SLC18A1: variants seen among roughly 807,000 people sequenced by gnomAD.
The protein encoded by SLC18A1 is chromaffin granule amine transporter.
In SLC18A1, 69 loss-of-function variants were observed where a neutral mutation model predicts 53.7. That is an observed-to-expected ratio of 1.28 (90% CI 1.06 to 1.57). The LOEUF is 1.57. Among genes scored for constraint, SLC18A1 ranks in the 40% most tolerant of loss-of-function variants. SLC18A1 has a pLI of 0.00. For missense variants in SLC18A1, 932 were observed against 668.1 expected (o/e 1.40, Z -4.35); for synonymous variants, 320 against 248.1 (o/e 1.29, Z -2.72).
rs1342696949 is a variant in SLC18A1 at position 20,147,861 on chromosome 8, G to C, written c.1211-139C>G. The C allele has an allele frequency of 1.2e-5, 17 of 1,449,596 alleles. 1 individual carries two copies. In the East Asian group the frequency reaches 4.2e-4, roughly 36 times the overall value. The allele number at this position is 1,449,596 out of a possible 1,614,324, so 89.8% of individuals were successfully genotyped here. ...CACCTGTTCCAGGTGGGAATTACGA[G>C]CTCATCTCTCCACAACCCTGCCAGC... On this transcript the variant is annotated intron_variant, in intron 13 of 15. Transcript: ENST00000276373.
intron 3 of SLC18A1, among the ~76,000 whole-genome samples, chr8:20,178,894 T>G (rs1585228290): frequency 6.6e-6 from 1 of 152,226 alleles, no homozygotes; most frequent in East Asian, 1.9e-4. Flanking sequence ...CTGTTCATGG[T>G]TCTCTTCTTG....
intron 10 of SLC18A1, among the ~76,000 whole-genome samples, chr8:20,152,484 G>C (rs1050835025): frequency 8.5e-5 from 13 of 152,152 alleles, no homozygotes; most frequent in African/African-American, 3.1e-4. Context: ...GACATTTTCT[G>C]TTTGATTGGG....
At chr8:20,164,240 C>T (rs1193111293) in intron 10 of SLC18A1, among the ~76,000 whole-genome samples, 1 of 152,134 alleles carries the variant, frequency 6.6e-6, no homozygotes, top group Admixed American at 6.5e-5. Flanking sequence ...CTAGATCCTC[C>T]TCTCCAAGCT....
In SLC18A1 at chr8:20,171,118, G is replaced by A. The variant is rs942384772; in HGVS notation, c.843C>T (p.Ser281=). 5.0e-6 allele frequency: 8 copies of A among 1,614,034 alleles called. No individual in the cohort carries two copies. The South Asian group carries it at 8.8e-5, about 18-fold the overall frequency. ...GALQLCILQP[S]KVSPESAKGT... is the part of the protein sequence containing the mutation. ...GTCTGCTTACCTCAGGAGAGACTTT[G>A]GAAGGCTGTAGGATGCAAAGCTGGA... The change falls in exon 8 of 16, where the codon TCC becomes TCT. Residue 281 remains serine, a synonymous_variant. Coordinates refer to ENST00000276373, the MANE Select transcript of SLC18A1 (RefSeq NM_003053.4).
intron 2 of SLC18A1, among the ~76,000 whole-genome samples, chr8:20,180,087 G>A (rs936142178): frequency 6.8e-6 from 1 of 146,798 alleles, no homozygotes; most frequent in African/African-American, 2.6e-5. Context: ...GTACCACGAT[G>A]TTTAAGATTT....
intron 4 of SLC18A1, among the ~76,000 whole-genome samples, chr8:20,176,636 G>T (rs912361080): frequency 6.6e-6 from 1 of 151,994 alleles, no homozygotes; most frequent in Non-Finnish European, 1.5e-5. Flanking sequence ...GGTAGTAACG[G>T]GCATCAACAA....
At chr8:20,149,808 G>T in intron 11 of SLC18A1, 81 bp from the exon 12 acceptor site, 1 of 1,344,426 alleles carries the variant, frequency 7.4e-7, no homozygotes, top group Non-Finnish European at 1.1e-6. Context: ...ATGCTGACCT[G>T]TCCCACCAGC....
At chr8:20,150,624 CT>C in intron 11 of SLC18A1, 41 bp downstream of exon 11, 1 of 1,547,426 alleles carries the variant, frequency 6.5e-7, no homozygotes, top group Non-Finnish European at 8.9e-7. Context: ...GCTCTTCCAT[CT>C]TACATTTCTA....
At chr8:20,180,736 A>G in intron 2 of SLC18A1, 105 bp downstream of exon 2, 1 of 1,446,482 alleles carries the variant, frequency 6.9e-7, no homozygotes, top group Non-Finnish European at 9.4e-7. Context: ...TGAGCATAAA[A>G]AGGAAAATTC....
intron 12 of SLC18A1, among the ~76,000 whole-genome samples, chr8:20,148,825 A>C (rs1409600010): frequency 1.3e-5 from 2 of 152,152 alleles, no homozygotes; most frequent in African/African-American, 4.8e-5. Context: ...ATAAATTATC[A>C]ATAGTATTGG....
Position 20,171,129 on chromosome 8 carries a change from G to A in SLC18A1, c.832C>T (p.Leu278=), listed in dbSNP as rs768711278. 1 of 1,614,182 alleles carries A rather than the reference G, an allele frequency of 6.2e-7. No homozygotes were observed. The highest frequency in any genetic ancestry group is 8.5e-7 in the Non-Finnish European group (1 of 1,180,020). ...TCAGGAGAGACTTTGGAAGGCTGTA[G>A]GATGCAAAGCTGGAGTGCTAAGAAA... The part of the protein sequence containing the change: ...LLDGALQLCI[L]QPSKVSPESA... The change falls in exon 8 of 16, where the codon CTA becomes TTA. Residue 278 remains leucine (L), a synonymous_variant. Coordinates refer to ENST00000276373, the MANE Select transcript of SLC18A1 (RefSeq NM_003053.4).
rs2071915665 is a variant in SLC18A1 at position 20,164,885 on chromosome 8, G to A, written c.999C>T (p.Ser333=). ...LPIWMMQTMC[S]PKWQLGLAFL... is the part of the protein sequence containing the mutation. ...GTCACTTACCCAGCTGCCACTTGGG[G>A]GAGCACATGGTCTGCATCATCCAGA... Residue 333 remains serine, a synonymous_variant, in exon 10 of 16, where the codon TCC becomes TCT. Coordinates refer to ENST00000276373, the MANE Select transcript of SLC18A1 (RefSeq NM_003053.4). 2 of 1,610,370 alleles carry A rather than the reference G, an allele frequency of 1.2e-6. No individual in the cohort carries two copies. Among genetic ancestry groups the A allele is most frequent in the South Asian group, 2.2e-5 (2 of 90,916 alleles).
At chr8:20,167,844 A>T (rs969892372) in intron 8 of SLC18A1, among the ~76,000 whole-genome samples, 4 of 151,750 alleles carry the variant, frequency 2.6e-5, no homozygotes, top group African/African-American at 9.7e-5. Flanking sequence ...GATGGTCTCA[A>T]TCTCCTGACC....
intron 4 of SLC18A1, among the ~76,000 whole-genome samples, chr8:20,177,544 T>C (rs35914215): frequency 6.6e-6 from 1 of 152,114 alleles, no homozygotes. Context: ...ATGTAAATGA[T>C]GAGTTAATGG....
At chr8:20,150,842 C>G (rs1320617059) in intron 10 of SLC18A1, 98 bp from the exon 11 acceptor site, 15 of 1,075,314 alleles carry the variant, frequency 1.4e-5, no homozygotes, top group Non-Finnish European at 2.0e-5. Flanking sequence ...TGTAACCTTC[C>G]AAGATCCCCA....
chr8:20,181,174 T>A (rs994297188), intron 1 of SLC18A1, 87 bp from the exon 2 acceptor site: 11 of 437,312 alleles, frequency 2.5e-5, no homozygotes, highest in Non-Finnish European at 4.5e-5. Flanking sequence ...TCACTTCTTA[T>A]AAATCTCAAT....
intron 10 of SLC18A1, among the ~76,000 whole-genome samples, chr8:20,162,163 G>A (rs1175406121): frequency 1.3e-5 from 2 of 152,210 alleles, no homozygotes; most frequent in East Asian, 3.8e-4. Context: ...GTCCCAAGGT[G>A]GTCCTGGGCA....
At chr8:20,146,105 C>T (rs144781977) in intron 15 of SLC18A1, among the ~76,000 whole-genome samples, 3,590 of 152,078 alleles carry the variant, frequency 0.024, 145 homozygotes, top group African/African-American at 0.083. Flanking sequence ...TTAGCAGAGA[C>T]GGGGTTTCAC....
In SLC18A1 at chr8:20,179,203, T is replaced by A; in HGVS notation, c.406A>T (p.Ile136Phe). The stretch of plus-strand genomic sequence containing the variant: ...GCAAACAGAACCCCGACCCGGGTAA[T>A]CTCTTCCTCCAAGAAACCTGTGCCT... Reference protein sequence around the residue: ...LQGTGFLEEEITRVGVLFASK... With the variant: ...LQGTGFLEEEFTRVGVLFASK... Residue 136 changes from isoleucine (I) to phenylalanine (F), a missense_variant, in exon 3 of 16, where the codon ATT becomes TTT. Ile to Phe is a conservative substitution (Grantham distance 21). Transcript: ENST00000276373. 6.2e-7 allele frequency: 1 copy of A among 1,614,180 alleles called. No individual in the cohort carries two copies. Among genetic ancestry groups the A allele is most frequent in the Non-Finnish European group, 8.5e-7 (1 of 1,180,048 alleles).
Sources: gnomAD v4.1 joint callset for allele counts (sites outside exome capture counted in the v4.1 genomes callset) on GRCh38, gnomAD v4.1.1 for gene constraint, MANE v1.5 for transcripts, NCBI Gene and HGNC (gene_info 2026-07-23, HGNC 2026-07-21) for gene names.